EPRS1: variants seen among roughly 807,000 people sequenced by gnomAD.
The protein encoded by EPRS1 is glutamyl-prolyl-tRNA synthetase 1.
A neutral mutation model predicts 188.3 loss-of-function variants in EPRS1; 107 were observed. The ratio of observed to expected loss-of-function variants is 0.57; its 90% CI spans 0.49 to 0.67. The LOEUF (loss-of-function observed/expected upper bound fraction) is 0.67. Ranked by LOEUF, EPRS1 falls within the 30% of genes least tolerant of loss-of-function variation. The pLI is 0.00. For missense variants in EPRS1, 1,577 were observed against 1,802.2 expected (o/e 0.88, Z 2.26); for synonymous variants, 596 against 593.1 (o/e 1.00, Z -0.07).
At position 220,045,720 on chromosome 1, in the gene EPRS1, G is replaced by C. The variant is rs577144677; in HGVS notation, c.46+623C>G. Among the ~76,000 whole-genome samples the C allele has an allele frequency of 2.0e-5, 3 of 152,226 alleles. No homozygotes were observed. In the East Asian group the frequency reaches 5.8e-4, roughly 29 times the overall value. On this transcript the variant is annotated intron_variant, in intron 1 of 31. Transcript: ENST00000366923. Reference sequence around the variant, plus strand: ...TCCACAGGGTGCAGTAAAAGCAACCGCATCAGTCTACAGTGTACCTGGGTG... The same window carrying C: ...TCCACAGGGTGCAGTAAAAGCAACCCCATCAGTCTACAGTGTACCTGGGTG...
At position 220,019,984 on chromosome 1, in the gene EPRS1, A is replaced by C; in HGVS notation, c.1349+4T>G. 6.3e-7 allele frequency: 1 copy of C among 1,577,612 alleles called. No individual in the cohort carries two copies. Among genetic ancestry groups the C allele is most frequent in the African/African-American group, 1.3e-5 (1 of 74,248 alleles). ...TTGTCAATTCTAAGTAACATTAAACATACCATCCATCTACTAGTCCTTCAT... is the reference window on the plus strand; with the variant it reads ...TTGTCAATTCTAAGTAACATTAAACCTACCATCCATCTACTAGTCCTTCAT... On this transcript the variant is annotated splice_donor_region_variant and intron_variant, in intron 10 of 31. Transcript: ENST00000366923.
chr1:220,025,536 G>GATTC (rs1252850829), intron 6 of EPRS1, among the ~76,000 whole-genome samples: 1 of 151,930 alleles, frequency 6.6e-6, no homozygotes, highest in Non-Finnish European at 1.5e-5. Flanking sequence ...ACCTTAAGGA[G>GATTC]ATTCTCCTTT....
At chr1:220,005,914 C>T (rs1661457993) in intron 15 of EPRS1, among the ~76,000 whole-genome samples, 192 bp downstream of exon 15, 1 of 147,064 alleles carries the variant, frequency 6.8e-6, no homozygotes, top group Non-Finnish European at 1.5e-5. Context: ...AAGCGATCCA[C>T]CCATCTTGGC....
At chr1:220,018,015 C>G in intron 12 of EPRS1, 1 of 531,952 alleles carries the variant, frequency 1.9e-6, no homozygotes, top group South Asian at 1.7e-5. Context: ...TTTGTATAAG[C>G]AAGTCTTTTA....
intron 20 of EPRS1, among the ~76,000 whole-genome samples, chr1:219,984,471 C>T (rs564040121): frequency 4.6e-5 from 7 of 152,182 alleles, no homozygotes; most frequent in South Asian, 2.1e-4. Context: ...CAGGCTGGAG[C>T]GCAATGGTGT....
chr1:220,020,260 C>A, intron 9 of EPRS1, 39 bp from the exon 10 acceptor site: 1 of 1,283,088 alleles, frequency 7.8e-7, no homozygotes, highest in South Asian at 1.3e-5. Context: ...AACATTTTAC[C>A]CTTTCCCTCT....
At chr1:220,029,704 A>C (rs1031873783) in intron 6 of EPRS1, among the ~76,000 whole-genome samples, 2 of 152,234 alleles carry the variant, frequency 1.3e-5, no homozygotes, top group Non-Finnish European at 2.9e-5. Flanking sequence ...TTATATTAAC[A>C]TCATTGGAAG....
intron 28 of EPRS1, among the ~76,000 whole-genome samples, chr1:219,975,220 C>G (rs1660753479): frequency 1.3e-5 from 2 of 152,158 alleles, no homozygotes; most frequent in African/African-American, 4.8e-5. Context: ...CACATGAGAA[C>G]AGCTTTGCAT....
At chr1:220,000,489 T>C (rs1661329483) in intron 17 of EPRS1, among the ~76,000 whole-genome samples, 1 of 152,254 alleles carries the variant, frequency 6.6e-6, no homozygotes, top group Admixed American at 6.5e-5. Flanking sequence ...TAAAGAGATC[T>C]GTAAAAATTT....
At position 219,984,341 on chromosome 1, in the gene EPRS1, A is replaced by G. The variant is rs554318058; in HGVS notation, c.3039-84T>C. The G allele has an allele frequency of 8.8e-6, 8 of 907,386 alleles. No individual in the cohort carries two copies. The Admixed American group carries it at 1.5e-4, about 17-fold the overall frequency. The allele number at this position is 907,386 out of a possible 1,614,324, so 56.2% of individuals were successfully genotyped here. On this transcript the variant is annotated intron_variant, in intron 20 of 31. Coordinates refer to ENST00000366923, the MANE Select transcript of EPRS1 (RefSeq NM_004446.3). Reference sequence around the variant, plus strand: ...TAAAAATAAACCTCTAAAGTTCAAAATAGATTAGTCTTTCTTCAGTATGAG... The same window carrying G: ...TAAAAATAAACCTCTAAAGTTCAAAGTAGATTAGTCTTTCTTCAGTATGAG...
At position 219,973,347 on chromosome 1, in the gene EPRS1, A is replaced by G. The variant is rs954221431; in HGVS notation, c.4135T>C (p.Phe1379Leu). Residue 1379 changes from phenylalanine (F) to leucine (L), a missense_variant, in exon 29 of 32, where the codon TTT becomes CTT. Phe to Leu is a conservative substitution (Grantham distance 22). Coordinates refer to ENST00000366923, the MANE Select transcript of EPRS1 (RefSeq NM_004446.3). ...VGPRDMKSCQFVAVRRDTGEK... is the reference protein window; with the variant it reads ...VGPRDMKSCQLVAVRRDTGEK... ...CCAGTATCTCGTCTGACGGCTACAA[A>G]CTGACAGCTCTTCATATCACGTGGC... is the stretch of plus-strand genomic sequence containing the variant. 1.9e-6 allele frequency: 3 copies of G among 1,612,508 alleles called. No homozygotes were observed. The African/African-American group carries it at 4.0e-5, about 22-fold the overall frequency.
Position 219,983,330 on chromosome 1 carries a change from G to C in EPRS1, c.3159C>G (p.Ala1053=). 8 of 1,613,956 alleles carry C rather than the reference G, an allele frequency of 5.0e-6. No individual in the cohort carries two copies. The highest frequency in any genetic ancestry group is 1.6e-4 in the Middle Eastern group (1 of 6,062). ...ISGCYILRPW[A]YAIWEAIKDF... ...CCTTGATGGCTTCCCAAATGGCATAGGCCCAGGGACGAAGAATATAACAGC... is the reference window on the plus strand; with the variant it reads ...CCTTGATGGCTTCCCAAATGGCATACGCCCAGGGACGAAGAATATAACAGC... Residue 1053 remains alanine (A), a synonymous_variant, in exon 22 of 32, where the codon GCC becomes GCG. Transcript: ENST00000366923.
At position 219,980,864 on chromosome 1, in the gene EPRS1, G is replaced by T; in HGVS notation, c.3454-7C>A. 1.3e-6 allele frequency: 2 copies of T among 1,597,670 alleles called. No individual in the cohort carries two copies. The highest frequency in any genetic ancestry group is 1.7e-6 in the Non-Finnish European group (2 of 1,167,412). On this transcript the variant is annotated splice_region_variant and splice_polypyrimidine_tract_variant and intron_variant, in intron 24 of 31. Transcript: ENST00000366923. ...GATGCTTGAATTCCCAACGCTGGAA[G>T]AGGCAAGAAAACAATTTAGTCATTA...
Position 220,020,824 on chromosome 1 carries a change from T to TTATATATATA in EPRS1, c.1116-613_1116-604dup, listed in dbSNP as rs71169429. Among the ~76,000 whole-genome samples the TTATATATATA allele has an allele frequency of 1.1e-3, 123 of 109,244 alleles. 1 individual carries two copies. The highest frequency in any genetic ancestry group is 5.1e-3 in the Middle Eastern group (1 of 196). 71.7% of individuals were successfully genotyped at this position (109,244 alleles called of 152,430 possible). ...ATTTACATGCAGTATCAATTTGAAT[T>TTATATATATA]TATATATATATATATATATATATAT... On this transcript the variant is annotated intron_variant, in intron 9 of 31. Coordinates refer to ENST00000366923, the MANE Select transcript of EPRS1 (RefSeq NM_004446.3).
intron 5 of EPRS1, among the ~76,000 whole-genome samples, chr1:220,030,987 G>A (rs1400844341): frequency 6.6e-6 from 1 of 151,958 alleles, no homozygotes; most frequent in Non-Finnish European, 1.5e-5. Context: ...AGCTACTCAG[G>A]AAGCTGAGGC....
At chr1:219,996,467 T>C (rs1201171220) in intron 18 of EPRS1, among the ~76,000 whole-genome samples, 1 of 152,182 alleles carries the variant, frequency 6.6e-6, no homozygotes, top group Non-Finnish European at 1.5e-5. Context: ...TAGAAATGCG[T>C]ATTCTCCACG....
At position 219,997,080 on chromosome 1, in the gene EPRS1, T is replaced by G. The variant is rs1458030379; in HGVS notation, c.2444A>C (p.Asn815Thr). 1 of 1,614,042 alleles carries G rather than the reference T, an allele frequency of 6.2e-7. No individual in the cohort carries two copies. Residue 815 changes from asparagine to threonine, a missense_variant, in exon 18 of 32, where the codon AAT (asparagine) becomes ACT (threonine). Around this residue, in one of 3 missense-constraint regions of EPRS1, gnomAD observed 1,278 missense variants for 1,457.4 expected, o/e 0.88. Transcript: ENST00000366923. ...ACTTTCCAGAATACTTGCTGAGGAA[T>G]TAGAAGAAATATTCTGTCCTATTTC... ...PAEIGQNISS[N>T]SSASILESKS...
intron 28 of EPRS1, among the ~76,000 whole-genome samples, chr1:219,976,441 T>C (rs2102561046): frequency 6.6e-6 from 1 of 152,348 alleles, no homozygotes; most frequent in East Asian, 1.9e-4. Context: ...TATTGTAATG[T>C]ATGAACACTA....
At chr1:220,029,297 C>T (rs775634901) in intron 6 of EPRS1, among the ~76,000 whole-genome samples, 14 of 152,108 alleles carry the variant, frequency 9.2e-5, no homozygotes, top group African/African-American at 1.9e-4. Context: ...AACCATTTAA[C>T]GATCAAGTCT....
Sources: allele counts gnomAD v4.1 joint callset (sites outside exome capture counted in the v4.1 genomes callset), GRCh38; gene constraint gnomAD v4.1.1; regional missense constraint gnomAD v4.1.1; transcripts MANE v1.5; gene names NCBI Gene and HGNC (gene_info 2026-07-23, HGNC 2026-07-21).